The following EPHA5 variants were observed in gnomAD, a reference collection of about 807,000 sequenced individuals.
The protein encoded by EPHA5 is EPH receptor A5, also known as ephrin type-A receptor 5.
In EPHA5, 60 loss-of-function variants were observed where a neutral mutation model predicts 105.0. The observed-to-expected ratio is 0.57, with a 90% confidence interval of 0.46 to 0.71. The LOEUF (loss-of-function observed/expected upper bound fraction) is 0.71, where lower values mean the gene tolerates loss of function less well. EPHA5 is among the 30% of genes least tolerant of loss of function. The probability of loss-of-function intolerance (pLI) is 0.00; values close to 1 mark genes in which losing one functional copy is unlikely to be tolerated. For synonymous variants in EPHA5, 513 were observed against 449.1 expected, an observed-to-expected ratio of 1.14 and a Z score of -1.80; for missense variants, 1,218 against 1,274.7, an observed-to-expected ratio of 0.96 and a Z score of 0.68.
chr4:65,542,621 C>T (rs1455650715), intron 3 of EPHA5, among the ~76,000 whole-genome samples: 1 of 151,938 alleles, frequency 6.6e-6, no homozygotes, highest in Non-Finnish European at 1.5e-5. Context: ...GAAGAATTCA[C>T]AGCCAAATTT....
In EPHA5 at chr4:65,644,961, C is replaced by T. The variant is rs142847552; in HGVS notation, c.182-1534G>A. On this transcript the variant is annotated intron_variant, in intron 1 of 16. Coordinates refer to ENST00000613740, the MANE Select transcript of EPHA5 (RefSeq NM_001281766.3). ...TAATGTTTGTATCATTTTTAACCTA[C>T]TCAAATCATACTGGTTTTAAGGAAT... Among the ~76,000 whole-genome samples the T allele has an allele frequency of 6.5e-3, 993 of 152,050 alleles. 6 individuals are homozygous for T. Among genetic ancestry groups the T allele is most frequent in the South Asian group, 0.013 (62 of 4,820 alleles).
chr4:65,657,936 G>T (rs566078181), intron 1 of EPHA5, among the ~76,000 whole-genome samples: 2 of 145,596 alleles, frequency 1.4e-5, no homozygotes, highest in East Asian at 4.0e-4. Context: ...TTTACTGCCA[G>T]TTTTTGTGGA....
intron 3 of EPHA5, among the ~76,000 whole-genome samples, chr4:65,556,222 C>G (rs1298220126): frequency 6.6e-6 from 1 of 152,044 alleles, no homozygotes; most frequent in Non-Finnish European, 1.5e-5. Flanking sequence ...ATTTCACCAC[C>G]AGTTGAATTA....
chr4:65,635,759 TA>T (rs1273216227), intron 2 of EPHA5, among the ~76,000 whole-genome samples: 3 of 152,182 alleles, frequency 2.0e-5, no homozygotes, highest in African/African-American at 7.2e-5. Flanking sequence ...TTAGACTATA[TA>T]AATTAATCAA....
intron 3 of EPHA5, among the ~76,000 whole-genome samples, chr4:65,548,658 C>T (rs1355098260): frequency 1.3e-5 from 2 of 152,104 alleles, no homozygotes; most frequent in Non-Finnish European, 2.9e-5. Flanking sequence ...AGCAGAGGCA[C>T]TGATTGTGTT....
At chr4:65,352,274 C>A (rs932146503) in intron 12 of EPHA5, among the ~76,000 whole-genome samples, 1 of 151,906 alleles carries the variant, frequency 6.6e-6, no homozygotes, top group African/African-American at 2.4e-5. Context: ...TTTCAGTGGA[C>A]CATTATCAAA....
intron 3 of EPHA5, among the ~76,000 whole-genome samples, chr4:65,512,551 T>G (rs1278623794): frequency 6.6e-6 from 1 of 151,976 alleles, no homozygotes; most frequent in Non-Finnish European, 1.5e-5. Flanking sequence ...GTGCAGTACC[T>G]CCCCGCTCTG....
At chr4:65,668,800 C>T (rs1750187553) in intron 1 of EPHA5, among the ~76,000 whole-genome samples, 1 of 152,080 alleles carries the variant, frequency 6.6e-6, no homozygotes, top group Admixed American at 6.5e-5. Flanking sequence ...GTCTTTAAGA[C>T]ATGCCCAGGT....
intron 3 of EPHA5, among the ~76,000 whole-genome samples, chr4:65,571,582 G>A (rs1260466465): frequency 6.6e-6 from 1 of 152,048 alleles, no homozygotes; most frequent in Non-Finnish European, 1.5e-5. Context: ...TTCCTAAACA[G>A]TATTATCATT....
chr4:65,449,752 C>T (rs1726900278), intron 5 of EPHA5, among the ~76,000 whole-genome samples: 1 of 151,942 alleles, frequency 6.6e-6, no homozygotes, highest in Non-Finnish European at 1.5e-5. Context: ...TGACTGTGTC[C>T]TCATACAAAA....
At chr4:65,526,613 C>A (rs1405282799) in intron 3 of EPHA5, among the ~76,000 whole-genome samples, 2 of 151,638 alleles carry the variant, frequency 1.3e-5, no homozygotes, top group African/African-American at 2.4e-5. Context: ...AGTAAATTTC[C>A]ATTGTTTGTT....
chr4:65,446,208 A>C (rs1486011468), intron 5 of EPHA5, among the ~76,000 whole-genome samples: 1 of 152,180 alleles, frequency 6.6e-6, no homozygotes, highest in Non-Finnish European at 1.5e-5. Flanking sequence ...CCAATTGTCT[A>C]TTATTTTTAA....
chr4:65,652,948 C>A (rs1385275380), intron 1 of EPHA5, among the ~76,000 whole-genome samples: 3 of 151,628 alleles, frequency 2.0e-5, no homozygotes, highest in African/African-American at 7.3e-5. Flanking sequence ...TTAATGGGGG[C>A]AAAATAGGAT....
At chr4:65,495,920 C>A (rs1209165618) in intron 3 of EPHA5, among the ~76,000 whole-genome samples, 1 of 151,962 alleles carries the variant, frequency 6.6e-6, no homozygotes, top group Non-Finnish European at 1.5e-5. Flanking sequence ...AATATTATTC[C>A]ATGTACTGCT....
At chr4:65,648,608 G>A (rs1748332950) in intron 1 of EPHA5, among the ~76,000 whole-genome samples, 1 of 152,182 alleles carries the variant, frequency 6.6e-6, no homozygotes, top group Non-Finnish European at 1.5e-5. Context: ...AGTATGAAAA[G>A]AGAACAATTT....
chr4:65,479,996 G>A (rs961665451), intron 5 of EPHA5, among the ~76,000 whole-genome samples: 1 of 152,002 alleles, frequency 6.6e-6, no homozygotes, highest in Non-Finnish European at 1.5e-5. Context: ...GGTCCTGTTT[G>A]GTTCAAGATG....
chr4:65,592,191 G>T (rs1742729649), intron 3 of EPHA5, among the ~76,000 whole-genome samples: 1 of 152,024 alleles, frequency 6.6e-6, no homozygotes, highest in Non-Finnish European at 1.5e-5. Flanking sequence ...AAGTATAACA[G>T]CTTGACGTTC....
At chr4:65,573,882 C>A (rs1021875820) in intron 3 of EPHA5, 36 of 1,611,908 alleles carry the variant, frequency 2.2e-5, no homozygotes, top group East Asian at 2.2e-4. Flanking sequence ...GAGAAAACTG[C>A]GAGCCAGCAT....
chr4:65,386,120 C>G (rs1720058202), intron 8 of EPHA5, among the ~76,000 whole-genome samples: 1 of 151,754 alleles, frequency 6.6e-6, no homozygotes, highest in Admixed American at 6.6e-5. Flanking sequence ...ATTACTAAAA[C>G]ACAAAAGTTG....
Sources: allele counts gnomAD v4.1 joint callset (sites outside exome capture counted in the v4.1 genomes callset), GRCh38; gene constraint gnomAD v4.1.1; transcripts MANE v1.5; gene names NCBI Gene and HGNC (gene_info 2026-07-23, HGNC 2026-07-21).